Variants in PARD3B observed in about 807,000 individuals in gnomAD.
PARD3B encodes the protein partitioning defective 3 homolog B.
In PARD3B, 103 loss-of-function variants were observed where a neutral mutation model predicts 130.2. The ratio of observed to expected loss-of-function variants is 0.79; its 90% confidence interval spans 0.67 to 0.93. The LOEUF is 0.93. PARD3B is among the 40% of genes least tolerant of loss of function. PARD3B has a pLI of 0.00. For synonymous variants in PARD3B, 583 were observed against 553.2 expected (o/e 1.05, Z -0.76); for missense variants, 1,609 against 1,499.2 (o/e 1.07, Z -1.21).
At chr2:205,483,070 A>T (rs1208846227) in intron 20 of PARD3B, among the ~76,000 whole-genome samples, 2 of 143,288 alleles carry the variant, frequency 1.4e-5, no homozygotes, top group Non-Finnish European at 3.1e-5. Context: ...TTGTGTGTCC[A>T]TGGGCACATG....
intron 15 of PARD3B, among the ~76,000 whole-genome samples, chr2:205,234,994 A>G (rs1019663889): frequency 3.3e-5 from 5 of 152,234 alleles, no homozygotes; most frequent in Admixed American, 6.5e-5. Context: ...ACTACATGAA[A>G]ATAAAAACAC....
chr2:204,744,773 A>G (rs767159167), intron 2 of PARD3B, among the ~76,000 whole-genome samples: 2 of 152,152 alleles, frequency 1.3e-5, no homozygotes, highest in Non-Finnish European at 2.9e-5. Context: ...GGCGGAAAAC[A>G]GTGAAGTTTG....
chr2:205,385,622 G>A (rs928977960), intron 18 of PARD3B, among the ~76,000 whole-genome samples: 2 of 151,942 alleles, frequency 1.3e-5, no homozygotes, highest in Admixed American at 6.6e-5. Context: ...ATCTCGCCAC[G>A]CTAATCTCTT....
intron 22 of PARD3B, among the ~76,000 whole-genome samples, chr2:205,583,047 T>G (rs1575420009): frequency 2.6e-5 from 4 of 152,320 alleles, no homozygotes; most frequent in Middle Eastern, 3.4e-3. Context: ...TACAAAAGTG[T>G]ATGGAATTGG....
chr2:205,517,360 G>A (rs2050834383), intron 21 of PARD3B, among the ~76,000 whole-genome samples: 1 of 152,016 alleles, frequency 6.6e-6, no homozygotes, highest in African/African-American at 2.4e-5. Flanking sequence ...TCTAGTTTGT[G>A]TACATAGAGG....
At chr2:205,433,241 T>C (rs932234799) in intron 19 of PARD3B, among the ~76,000 whole-genome samples, 2 of 152,168 alleles carry the variant, frequency 1.3e-5, no homozygotes, top group East Asian at 1.9e-4. Flanking sequence ...TCTTTTTAAA[T>C]TGAGATATAG....
At chr2:204,958,906 T>G (rs968122031) in intron 2 of PARD3B, among the ~76,000 whole-genome samples, 1 of 152,190 alleles carries the variant, frequency 6.6e-6, no homozygotes, top group Non-Finnish European at 1.5e-5. Context: ...TGGCTCTTTT[T>G]ATCAGATCTG....
intron 3 of PARD3B, among the ~76,000 whole-genome samples, chr2:205,012,207 A>G (rs941513134): frequency 1.3e-5 from 2 of 151,812 alleles, no homozygotes; most frequent in Non-Finnish European, 2.9e-5. Context: ...AACATCACTC[A>G]TCTCCACTCA....
At chr2:204,746,873 A>G (rs1472085357) in intron 2 of PARD3B, among the ~76,000 whole-genome samples, 1 of 152,122 alleles carries the variant, frequency 6.6e-6, no homozygotes, top group Non-Finnish European at 1.5e-5. Context: ...GATTCTGGAT[A>G]TTAGCCCTTT....
rs751836524 is a variant in PARD3B, at chr2:205,301,782, AAAG to A, written c.2630+82_2630+84del. The A allele has an allele frequency of 6.2e-7, 1 of 1,608,856 alleles. No homozygotes were observed. The highest frequency in any genetic ancestry group is 8.5e-7 in the Non-Finnish European group (1 of 1,175,274). On this transcript the variant is annotated intron_variant, in intron 18 of 22. Coordinates refer to ENST00000406610, the MANE Select transcript of PARD3B (RefSeq NM_001302769.2). This position sits in a 1 kb window ranked among gnomAD's most constrained non-coding sequence, Gnocchi z 5.2. Reference sequence around the variant, plus strand: ...TCACTCCTTTGTCTGTACTCAGAAAAAAGCGCACGCTTTTCCTCGTCTTCAGCC... The same window carrying A: ...TCACTCCTTTGTCTGTACTCAGAAAACGCACGCTTTTCCTCGTCTTCAGCC...
intron 5 of PARD3B, among the ~76,000 whole-genome samples, chr2:205,106,481 A>ATGTGTGTG (rs202186761): frequency 1.4e-5 from 2 of 146,916 alleles, no homozygotes; most frequent in African/African-American, 5.1e-5. Context: ...TAAGAAATGT[A>ATGTGTGTG]TGTGTGTGTG....
chr2:205,041,156 T>A (rs1698370803), intron 3 of PARD3B, among the ~76,000 whole-genome samples: 1 of 152,244 alleles, frequency 6.6e-6, no homozygotes, highest in Non-Finnish European at 1.5e-5. Context: ...GTTCACTTCA[T>A]GTTTGTATCT....
intron 4 of PARD3B, among the ~76,000 whole-genome samples, chr2:205,056,160 T>C (rs1286377616): frequency 6.6e-6 from 1 of 152,028 alleles, no homozygotes; most frequent in African/African-American, 2.4e-5. Context: ...AGGAAAATTA[T>C]TTCTTTGAGC....
rs1048812062 is a variant in PARD3B, at chr2:205,122,105, A to G, written c.1165+156A>G. Among the ~76,000 whole-genome samples the G allele has an allele frequency of 1.3e-5, 2 of 152,186 alleles. No individual in the cohort carries two copies. The highest frequency in any genetic ancestry group is 1.3e-4 in the Admixed American group (2 of 15,270). On this transcript the variant is annotated intron_variant, in intron 8 of 22. Transcript: ENST00000406610. The surrounding 1 kb of genome is among the most constrained non-coding windows in gnomAD (Gnocchi z 4.3). ...TACTTAGGTAACTTAAATTTCTTGA[A>G]ATTGTACTTTTTTATTCTTTTCTTC...
At chr2:204,608,767 C>G (rs181251197) in intron 1 of PARD3B, among the ~76,000 whole-genome samples, 1 of 152,276 alleles carries the variant, frequency 6.6e-6, no homozygotes, top group East Asian at 1.9e-4. Context: ...TACAAGACTT[C>G]TATGCTTTTG....
chr2:204,929,074 C>A (rs529848310), intron 2 of PARD3B, among the ~76,000 whole-genome samples: 1 of 152,132 alleles, frequency 6.6e-6, no homozygotes, highest in East Asian at 1.9e-4. Context: ...CTATTGCATG[C>A]AGTTGGTTTT....
chr2:204,891,943 T>A (rs921573306), intron 2 of PARD3B, among the ~76,000 whole-genome samples: 2 of 152,210 alleles, frequency 1.3e-5, no homozygotes, highest in African/African-American at 4.8e-5. Context: ...CATGTCTTTG[T>A]ACATGGCAAC....
At chr2:205,596,671 G>A (rs2054581807) in intron 22 of PARD3B, among the ~76,000 whole-genome samples, 1 of 152,180 alleles carries the variant, frequency 6.6e-6, no homozygotes, top group Non-Finnish European at 1.5e-5. Context: ...TTGCTTTGGT[G>A]CTGGGTATGG....
intron 10 of PARD3B, among the ~76,000 whole-genome samples, chr2:205,149,937 T>C (rs1472824860): frequency 2.0e-5 from 3 of 152,102 alleles, no homozygotes; most frequent in African/African-American, 7.2e-5. Flanking sequence ...AGGCACTGCA[T>C]TGGACAGACA....
Sources: gnomAD v4.1 joint callset for allele counts (sites outside exome capture counted in the v4.1 genomes callset) on GRCh38, gnomAD v4.1.1 for gene constraint, Gnocchi (gnomAD v3.1) non-coding constraint, MANE v1.5 for transcripts, NCBI Gene and HGNC (gene_info 2026-07-23, HGNC 2026-07-21) for gene names.